Variants in RPS24 observed in about 807,000 individuals in gnomAD.
The protein encoded by RPS24 is small ribosomal subunit protein eS24.
For missense variants in RPS24, 100 were observed against 162.5 expected (o/e 0.62, Z 2.09); for synonymous variants, 72 against 55.6 (o/e 1.30, Z -1.31).
At chr10:78,047,225 A>G (rs1325921512) in intron 4 of RPS24, among the ~76,000 whole-genome samples, 2 of 151,510 alleles carry the variant, frequency 1.3e-5, no homozygotes, top group African/African-American at 4.9e-5. Flanking sequence ...CTCGGCCTCC[A>G]AAAGTGCTGG....
chr10:78,037,985 A>C (rs1018317793), intron 4 of RPS24: 4 of 1,275,780 alleles, frequency 3.1e-6, no homozygotes, highest in Non-Finnish European at 4.1e-6. Context: ...TCTAGCAGGT[A>C]CTGAGATTGT....
chr10:78,037,246 A>G lies in RPS24; in HGVS notation c.332A>G (p.Lys111Arg), dbSNP rs1246140231. The part of the protein sequence containing the change: ...KTSRKQRKER[K>R]NRMKKVRGTA... ...TCAAGAAAGCAACGAAAGGAACGCA[A>G]GAACAGAATGAAGAAAGTCAGGGGG... Residue 111 changes from lysine to arginine, a missense_variant, in exon 4 of 6, where the codon AAG (lysine) becomes AGG (arginine). Coordinates refer to ENST00000372360, the MANE Select transcript of RPS24 (RefSeq NM_033022.4). 1 of 1,608,576 alleles carries G rather than the reference A, an allele frequency of 6.2e-7. No individual in the cohort carries two copies. Among genetic ancestry groups the G allele is most frequent in the Non-Finnish European group, 8.5e-7 (1 of 1,177,470 alleles).
chr10:78,034,202 T>G, intron 1 of RPS24: 2 of 539,780 alleles, frequency 3.7e-6, no homozygotes, highest in East Asian at 6.3e-5. Context: ...GCGGGATAGA[T>G]GGACACTGGG....
At chr10:78,046,346 CTTTTTTT>C (rs57003851) in intron 4 of RPS24, among the ~76,000 whole-genome samples, 6 of 126,154 alleles carry the variant, frequency 4.8e-5, no homozygotes, top group Admixed American at 2.5e-4. Flanking sequence ...TCTCATTTAC[CTTTTTTT>C]TTTTTTTTTT....
chr10:78,051,953 A>C (rs1338908939), intron 4 of RPS24, among the ~76,000 whole-genome samples: 1 of 152,138 alleles, frequency 6.6e-6, no homozygotes, highest in Non-Finnish European at 1.5e-5. Flanking sequence ...TCCTGGATGC[A>C]AATCTCTTAT....
intron 4 of RPS24, among the ~76,000 whole-genome samples, chr10:78,052,191 A>C (rs1221775307): frequency 6.6e-6 from 1 of 151,684 alleles, no homozygotes; most frequent in Non-Finnish European, 1.5e-5. Flanking sequence ...ATGCCTGGCT[A>C]ATTTTTGTAT....
intron 1 of RPS24, 49 bp downstream of exon 1, chr10:78,033,953 C>T (rs1847798192): frequency 1.2e-6 from 2 of 1,612,070 alleles, no homozygotes; most frequent in African/African-American, 1.3e-5. Context: ...TCCGAGCCAT[C>T]CGTGGTCCCT....
chr10:78,039,815 A>AT (rs764970942), intron 4 of RPS24: 43 of 270,762 alleles, frequency 1.6e-4, no homozygotes, highest in Non-Finnish European at 2.4e-4. Flanking sequence ...ATCTGTAATG[A>AT]TTCTCGTAAC....
At chr10:78,038,009 G>A in intron 4 of RPS24, 3 of 1,269,860 alleles carry the variant, frequency 2.4e-6, no homozygotes, top group African/African-American at 3.1e-5. Flanking sequence ...CACGGTGTGG[G>A]GATGCATCAC....
intron 3 of RPS24, chr10:78,036,406 C>T (rs1847869053): frequency 6.5e-6 from 1 of 154,154 alleles, no homozygotes; most frequent in African/African-American, 2.4e-5. Context: ...GCCAGGTTCA[C>T]GCAACTCTTC....
At chr10:78,040,490 C>G in intron 5 of RPS24, 125 bp from the exon 6 acceptor site, 1 of 810,444 alleles carries the variant, frequency 1.2e-6, no homozygotes, top group Non-Finnish European at 2.2e-6. Context: ...ATGATAACAT[C>G]AAAATAACTT....
chr10:78,046,114 T>C (rs1486095325), intron 4 of RPS24, among the ~76,000 whole-genome samples: 4 of 152,020 alleles, frequency 2.6e-5, no homozygotes, highest in African/African-American at 9.7e-5. Context: ...TTCAGGAAAC[T>C]GGACTGAAGC....
intron 4 of RPS24, among the ~76,000 whole-genome samples, chr10:78,051,822 C>T (rs1285422426): frequency 6.6e-6 from 1 of 152,168 alleles, no homozygotes; most frequent in Non-Finnish European, 1.5e-5. Flanking sequence ...TGGTGTTGAG[C>T]ATCATTTCAT....
At chr10:78,055,135 A>G in exon 5 of RPS24, 2 of 1,407,230 alleles carry the variant, frequency 1.4e-6, no homozygotes, top group Non-Finnish European at 1.8e-6. Context: ...CTCTGTTCAG[A>G]ACCCTCCAGG....
chr10:78,037,069 C>A (rs1847885467), intron 3 of RPS24, 125 bp from the exon 4 acceptor site: 2 of 1,145,532 alleles, frequency 1.7e-6, no homozygotes, highest in Non-Finnish European at 2.5e-6. Flanking sequence ...ATTAAATGTA[C>A]TTGAAAAGTT....
In RPS24 at chr10:78,035,427, G is replaced by T; in HGVS notation, c.69+10G>T. 6.2e-7 allele frequency: 1 copy of T among 1,613,842 alleles called. No individual in the cohort carries two copies. On this transcript the variant is annotated intron_variant, in intron 2 of 5. Transcript: ENST00000372360. The stretch of plus-strand genomic sequence containing the variant: ...TCAGAGGAAACAAATGGTAAGGAAG[G>T]GCACATCAATCTTTGCTTAATTGTC...
In RPS24 at chr10:78,035,596, C is replaced by T. The variant is rs1434042354; in HGVS notation, c.155C>T (p.Pro52Leu). 2.5e-6 allele frequency: 4 copies of T among 1,613,432 alleles called. No homozygotes were observed. The highest frequency in any genetic ancestry group is 2.5e-6 in the Non-Finnish European group (3 of 1,180,000). ...CTAGCCAAAATGTACAAGACCACAC[C>T]GGATGTCATCTTTGTATTTGGATTC... Reference protein sequence around the residue: ...EKLAKMYKTTPDVIFVFGFRT... With the variant: ...EKLAKMYKTTLDVIFVFGFRT... Residue 52 changes from proline (P) to leucine (L), a missense_variant, in exon 3 of 6, where the codon CCG becomes CTG. By Grantham distance (98) the Pro-to-Leu change is moderately conservative. Transcript: ENST00000372360.
Position 78,054,131 on chromosome 10 carries a change from C to T in RPS24, c.391-400C>T, listed in dbSNP as rs11002390. Among the ~76,000 whole-genome samples the T allele has an allele frequency of 1.4e-3, 214 of 151,896 alleles. 1 individual carries two copies. The highest frequency in any genetic ancestry group is 2.3e-3 in the Non-Finnish European group (159 of 67,966). On this transcript the variant is annotated intron_variant, in intron 4 of 4. Transcript: ENST00000440692. ...AGGCTTGGCCTGGAGTGCTGTTGGG[C>T]GAATGGCCAGAGAGTCTGGGCAGGC...
intron 4 of RPS24, among the ~76,000 whole-genome samples, chr10:78,049,586 C>T (rs568060257): frequency 6.6e-6 from 1 of 152,362 alleles, no homozygotes; most frequent in African/African-American, 2.4e-5. Context: ...GCTGCCAATG[C>T]TGGTGCCATT....
Sources: gnomAD v4.1 joint callset for allele counts (sites outside exome capture counted in the v4.1 genomes callset) on GRCh38, gnomAD v4.1.1 for gene constraint, MANE v1.5 for transcripts, NCBI Gene and HGNC (gene_info 2026-07-23, HGNC 2026-07-21) for gene names.